EFHD1: variants seen among roughly 807,000 people sequenced by gnomAD.
EFHD1 encodes the protein EF-hand domain family member D1.
A neutral mutation model predicts 17.2 loss-of-function variants in EFHD1; 10 were observed. The ratio of observed to expected loss-of-function variants is 0.58; its 90% confidence interval spans 0.36 to 0.99. EFHD1 has a LOEUF of 0.99. EFHD1 is among the 50% of genes least tolerant of loss of function. The probability of loss-of-function intolerance (pLI) is 0.01; values close to 1 mark genes in which losing one functional copy is unlikely to be tolerated. For synonymous variants in EFHD1, 153 were observed against 142.0 expected (o/e 1.08, Z -0.55); for missense variants, 310 against 327.5 (o/e 0.95, Z 0.41).
upstream of EFHD1, among the ~76,000 whole-genome samples, chr2:232,630,814 GAAAA>G (rs956286928): frequency 6.9e-6 from 1 of 144,112 alleles, no homozygotes; most frequent in Non-Finnish European, 1.5e-5. Context: ...AGAAAGAAAA[GAAAA>G]AAAGTCATTT....
At position 232,662,717 on chromosome 2, in the gene EFHD1, C is replaced by T. The variant is rs1043330702; in HGVS notation, c.303-85C>T. 1.1e-5 allele frequency: 17 copies of T among 1,521,180 alleles called. No individual in the cohort carries two copies. The Admixed American group carries it at 1.3e-4, about 11-fold the overall frequency. 94.2% of individuals were successfully genotyped at this position (1,521,180 alleles called of 1,614,324 possible). A position where few individuals can be genotyped will look rare whatever the true frequency, so the allele number is the denominator to read the frequency against. On this transcript the variant is annotated intron_variant, in intron 1 of 3. Coordinates refer to ENST00000264059, the MANE Select transcript of EFHD1 (RefSeq NM_025202.4). ...AGCGGGAGGTATTTGAGTCATTTTT[C>T]GATGAATGAAGCCAAAGGAATTACA...
chr2:232,672,670 G>A (rs1310855429), intron 3 of EFHD1, among the ~76,000 whole-genome samples: 1 of 152,180 alleles, frequency 6.6e-6, no homozygotes, highest in Admixed American at 6.6e-5. Context: ...GTCTTCATCT[G>A]TATGATGGAG....
intron 1 of EFHD1, among the ~76,000 whole-genome samples, chr2:232,614,869 G>A (rs1382257947): frequency 2.6e-5 from 4 of 152,126 alleles, no homozygotes; most frequent in Non-Finnish European, 4.4e-5. Context: ...CCAGCTACTC[G>A]AGAGGCTGAG....
At chr2:232,629,629 C>T (rs867694595), upstream of EFHD1, among the ~76,000 whole-genome samples, 8 of 152,074 alleles carry the variant, frequency 5.3e-5, no homozygotes, top group East Asian at 1.9e-4. Context: ...TCACCACGCC[C>T]GGCTAACGGT....
intron 1 of EFHD1, among the ~76,000 whole-genome samples, chr2:232,659,815 T>A (rs143399376): frequency 8.1e-4 from 123 of 152,312 alleles, no homozygotes; most frequent in African/African-American, 2.8e-3. Flanking sequence ...CATGGCAGCG[T>A]GTGCTTGGCT....
chr2:232,656,930 C>T (rs929825670), intron 1 of EFHD1, among the ~76,000 whole-genome samples: 6 of 152,060 alleles, frequency 3.9e-5, no homozygotes, highest in Non-Finnish European at 7.4e-5. Flanking sequence ...AGATGTGGGC[C>T]ACCACATTCA....
At chr2:232,632,943 T>C (rs1353548958), upstream of EFHD1, among the ~76,000 whole-genome samples, 1 of 152,270 alleles carries the variant, frequency 6.6e-6, no homozygotes. Flanking sequence ...CTTGTGCGTT[T>C]CACGCAAAAA....
rs140906629 is a variant in EFHD1, at chr2:232,676,071, G to C, written c.585+3628G>C. 5.2e-3 allele frequency among the ~76,000 whole-genome samples: 785 copies of C among 152,188 alleles called. 7 individuals are homozygous for C. Among genetic ancestry groups the C allele is most frequent in the African/African-American group, 0.018 (741 of 41,510 alleles). On this transcript the variant is annotated intron_variant, in intron 3 of 3. Coordinates refer to ENST00000264059, the MANE Select transcript of EFHD1 (RefSeq NM_025202.4). ...TGCGCCTGTAATCCCAGCTACTCAG[G>C]AGGCTGAGGCATGAGAATCGCTTGA...
At chr2:232,608,349 G>A (rs374526847) in intron 1 of EFHD1, among the ~76,000 whole-genome samples, 60 of 151,978 alleles carry the variant, frequency 3.9e-4, no homozygotes, top group African/African-American at 1.2e-3. Flanking sequence ...CAGCCTGAGC[G>A]AGACTTCATC....
rs374168168 is a variant in EFHD1 at position 232,655,259 on chromosome 2, GTCC to G, written c.303-7538_303-7536del. ...GGACTTGACCTGCTGGGCTCAAGCAGTCCTCCTGCCTCAGCCTCTGGAGTAGCT... is the reference window on the plus strand; with the variant it reads ...GGACTTGACCTGCTGGGCTCAAGCAGTCCTGCCTCAGCCTCTGGAGTAGCT... On this transcript the variant is annotated intron_variant, in intron 1 of 3. Transcript: ENST00000264059. 8.9e-3 allele frequency among the ~76,000 whole-genome samples: 1,350 copies of G among 152,140 alleles called. 22 individuals carry two copies. Among genetic ancestry groups the G allele is most frequent in the African/African-American group, 0.03 (1,248 of 41,502 alleles).
rs367813736 is a variant in EFHD1 at position 232,614,226 on chromosome 2, C to T, written c.14+8053C>T. ...TATATATTTCTAAATACAGTTGGCC[C>T]TTGAACAACACAGGTTTGAACTGCA... On this transcript the variant is annotated intron_variant, in intron 1 of 3. Transcript: ENST00000409613. Among the ~76,000 whole-genome samples the T allele has an allele frequency of 8.5e-5, 13 of 152,182 alleles. 1 individual carries two copies. The South Asian group carries it at 2.7e-3, about 31-fold the overall frequency.
intron 1 of EFHD1, among the ~76,000 whole-genome samples, chr2:232,621,063 G>A (rs1694009287): frequency 6.6e-6 from 1 of 152,186 alleles, no homozygotes; most frequent in South Asian, 2.1e-4. Flanking sequence ...TAAGGCCAAG[G>A]TTTTCCAAAA....
At chr2:232,620,625 C>T (rs1397505156) in intron 1 of EFHD1, among the ~76,000 whole-genome samples, 1 of 151,980 alleles carries the variant, frequency 6.6e-6, no homozygotes, top group East Asian at 1.9e-4. Flanking sequence ...TAAGAGCTTC[C>T]CTTTCCTTTA....
At chr2:232,638,602 A>C (rs1694364106) in intron 1 of EFHD1, 1 of 370,012 alleles carries the variant, frequency 2.7e-6, no homozygotes. Context: ...GAAGGCTGGG[A>C]ATTTTCCAAA....
chr2:232,653,231 G>A (rs1694691726), intron 1 of EFHD1, among the ~76,000 whole-genome samples: 1 of 152,102 alleles, frequency 6.6e-6, no homozygotes, highest in South Asian at 2.1e-4. Context: ...GACCTCAGGT[G>A]ATCCACCCGC....
At chr2:232,630,656 A>G (rs72999770), upstream of EFHD1, among the ~76,000 whole-genome samples, 2,694 of 152,090 alleles carry the variant, frequency 0.018, 35 homozygotes, top group Non-Finnish European at 0.027. Context: ...TAATTTCAGA[A>G]TTTTCAAGGC....
In EFHD1 at chr2:232,681,873, C is replaced by T; in HGVS notation, c.*154C>T. The T allele has an allele frequency of 1.6e-6, 2 of 1,254,428 alleles. No individual in the cohort carries two copies. Among genetic ancestry groups the T allele is most frequent in the Non-Finnish European group, 2.1e-6 (2 of 932,446 alleles). The allele number at this position is 1,254,428 out of a possible 1,614,324, so 77.7% of individuals were successfully genotyped here. ...GCTCCCGTGCCAGCCTTCATTCCTC[C>T]CAGTGTCCAAGCCCCTCCAGGAGGG... On this transcript the variant is annotated 3_prime_UTR_variant, in exon 4 of 4. Transcript: ENST00000264059.
chr2:232,662,602 A>G, intron 1 of EFHD1, 200 bp from the exon 2 acceptor site: 2 of 545,458 alleles, frequency 3.7e-6, no homozygotes, highest in Non-Finnish European at 6.0e-6. Flanking sequence ...AACAGGTAGT[A>G]CAAGATCTGC....
chr2:232,638,384 G>A lies in EFHD1; in HGVS notation c.302+4378G>A, dbSNP rs111933067. On this transcript the variant is annotated intron_variant, in intron 1 of 3. Coordinates refer to ENST00000264059, the MANE Select transcript of EFHD1 (RefSeq NM_025202.4). Reference sequence around the variant, plus strand: ...GTGGGAAGAGGAACATTTGGCTATGGGAAAGTTGTCTTTTTCTTAAGAATC... The same window carrying A: ...GTGGGAAGAGGAACATTTGGCTATGAGAAAGTTGTCTTTTTCTTAAGAATC... 4,195 of 471,112 alleles carry A rather than the reference G, an allele frequency of 8.9e-3. 149 individuals are homozygous for A. The highest frequency in any genetic ancestry group is 0.075 in the African/African-American group (3,756 of 50,174). 29.2% of individuals were successfully genotyped at this position (471,112 alleles called of 1,614,324 possible).
Sources: allele counts gnomAD v4.1 joint callset (sites outside exome capture counted in the v4.1 genomes callset), GRCh38; gene constraint gnomAD v4.1.1; transcripts MANE v1.5; gene names NCBI Gene and HGNC (gene_info 2026-07-23, HGNC 2026-07-21).